LRBA: variants seen among roughly 807,000 people sequenced by gnomAD.
The protein encoded by LRBA is lipopolysaccharide-responsive and beige-like anchor protein.
LRBA carries 176 observed loss-of-function variants against 330.0 expected under a neutral mutation model. That is an observed-to-expected ratio of 0.53 (90% CI 0.47 to 0.60). The LOEUF (loss-of-function observed/expected upper bound fraction) is 0.60. LRBA is among the 20% of genes least tolerant of loss of function. The pLI, the probability that LRBA is intolerant of heterozygous loss-of-function variation, is 0.00. For synonymous variants in LRBA, 1,230 were observed against 1,193.0 expected (o/e 1.03, Z -0.64); for missense variants, 3,259 against 3,444.8 (o/e 0.95, Z 1.35).
At chr4:150,660,498 C>G (rs1387624529) in intron 37 of LRBA, among the ~76,000 whole-genome samples, 12 of 150,796 alleles carry the variant, frequency 8.0e-5, no homozygotes, top group Admixed American at 3.3e-4. Flanking sequence ...CAGCCCCCCC[C>G]GCCCGGCCAG....
At chr4:150,572,818 A>G (rs1157413777) in intron 40 of LRBA, among the ~76,000 whole-genome samples, 1 of 152,114 alleles carries the variant, frequency 6.6e-6, no homozygotes, top group Non-Finnish European at 1.5e-5. Flanking sequence ...TCTGGAGCTC[A>G]TTGATAATGA....
intron 34 of LRBA, among the ~76,000 whole-genome samples, chr4:150,781,048 T>G (rs1365934751): frequency 1.3e-5 from 2 of 151,396 alleles, no homozygotes; most frequent in Non-Finnish European, 2.9e-5. Flanking sequence ...CCTGGCTAAT[T>G]TTTTGTATTT....
At chr4:150,963,174 C>A (rs1738361119) in intron 2 of LRBA, among the ~76,000 whole-genome samples, 1 of 148,130 alleles carries the variant, frequency 6.8e-6, no homozygotes, top group Non-Finnish European at 1.5e-5. Flanking sequence ...CTGCCTCTCC[C>A]CCTCCCCCTC....
intron 40 of LRBA, among the ~76,000 whole-genome samples, chr4:150,502,852 C>T (rs1455240590): frequency 2.0e-5 from 3 of 152,230 alleles, no homozygotes; most frequent in Non-Finnish European, 4.4e-5. Context: ...TCACTCCCAC[C>T]CTAATACTGC....
chr4:150,374,895 T>A (rs187334294), intron 47 of LRBA, among the ~76,000 whole-genome samples: 274 of 152,264 alleles, frequency 1.8e-3, no homozygotes, highest in South Asian at 2.3e-3. Flanking sequence ...GCCTGAACCA[T>A]AACTAATATA....
At position 150,485,114 on chromosome 4, in the gene LRBA, G is replaced by C. The variant is rs538423940; in HGVS notation, c.6551+2618C>G. ...TGTATTTTGTGCAATTGACTAAAATGTTTTATACATGTGACACAGATCAAG... is the reference window on the plus strand; with the variant it reads ...TGTATTTTGTGCAATTGACTAAAATCTTTTATACATGTGACACAGATCAAG... On this transcript the variant is annotated intron_variant, in intron 42 of 56. Transcript: ENST00000651943. 4.6e-5 allele frequency among the ~76,000 whole-genome samples: 7 copies of C among 152,040 alleles called. No individual in the cohort carries two copies. The South Asian group carries it at 1.5e-3, about 32-fold the overall frequency.
At chr4:150,527,027 A>T (rs565678322) in intron 40 of LRBA, among the ~76,000 whole-genome samples, 3 of 143,406 alleles carry the variant, frequency 2.1e-5, no homozygotes, top group Admixed American at 1.4e-4. Context: ...TTTTTTTTTT[A>T]AAGAAACTGG....
chr4:150,338,990 C>CAT (rs909084758), intron 48 of LRBA, among the ~76,000 whole-genome samples: 1 of 151,754 alleles, frequency 6.6e-6, no homozygotes, highest in African/African-American at 2.4e-5. Context: ...CACACACACA[C>CAT]ACACAAGTAG....
intron 36 of LRBA, among the ~76,000 whole-genome samples, chr4:150,724,608 G>A (rs1316032267): frequency 1.3e-5 from 2 of 152,040 alleles, no homozygotes; most frequent in Admixed American, 6.6e-5. Context: ...CAATTCTGAC[G>A]AAACAGAGAC....
At chr4:150,275,178 C>T (rs1746597130) in intron 56 of LRBA, among the ~76,000 whole-genome samples, 1 of 152,120 alleles carries the variant, frequency 6.6e-6, no homozygotes, top group South Asian at 2.1e-4. Context: ...ATGACAAAAA[C>T]CACATGATTA....
intron 16 of LRBA, among the ~76,000 whole-genome samples, chr4:150,895,862 G>A (rs936528913): frequency 6.6e-6 from 1 of 152,112 alleles, no homozygotes; most frequent in Non-Finnish European, 1.5e-5. Context: ...TCGCCACACC[G>A]ACTTCCACAA....
At chr4:150,856,369 T>C (rs1751234138) in intron 22 of LRBA, among the ~76,000 whole-genome samples, 1 of 152,182 alleles carries the variant, frequency 6.6e-6, no homozygotes, top group African/African-American at 2.4e-5. Flanking sequence ...ATCTCTCTTC[T>C]ATGTTGTCTC....
At chr4:150,635,189 T>C (rs1363954215) in intron 37 of LRBA, among the ~76,000 whole-genome samples, 1 of 152,200 alleles carries the variant, frequency 6.6e-6, no homozygotes, top group African/African-American at 2.4e-5. Context: ...ATTCTGCTCC[T>C]AGATTCTACC....
chr4:151,004,612 G>T (rs889648616), intron 2 of LRBA, among the ~76,000 whole-genome samples: 1 of 152,164 alleles, frequency 6.6e-6, no homozygotes, highest in Admixed American at 6.5e-5. Context: ...CTAAGGCAGG[G>T]TACTCTTGTA....
intron 55 of LRBA, among the ~76,000 whole-genome samples, chr4:150,280,488 C>T (rs1255664013): frequency 6.6e-6 from 1 of 152,232 alleles, no homozygotes; most frequent in East Asian, 1.9e-4. Context: ...TCTGTACAGG[C>T]TGCCTCCTTA....
chr4:150,766,169 A>G (rs1360514901), intron 34 of LRBA, among the ~76,000 whole-genome samples: 1 of 152,056 alleles, frequency 6.6e-6, no homozygotes, highest in Non-Finnish European at 1.5e-5. Flanking sequence ...AAATGTTCTC[A>G]TTAATTTTTT....
intron 2 of LRBA, among the ~76,000 whole-genome samples, chr4:150,930,011 G>A (rs1050324422): frequency 1.3e-5 from 2 of 152,030 alleles, no homozygotes; most frequent in Non-Finnish European, 2.9e-5. Context: ...TTAGAAGAAA[G>A]TGAACTTTAA....
intron 40 of LRBA, among the ~76,000 whole-genome samples, chr4:150,531,096 C>T (rs1764014319): frequency 6.6e-6 from 1 of 152,202 alleles, no homozygotes; most frequent in African/African-American, 2.4e-5. Context: ...TTGTCTCTCT[C>T]TCCCACCCAC....
At chr4:150,829,786 T>G (rs570074553) in intron 29 of LRBA, among the ~76,000 whole-genome samples, 9 of 151,304 alleles carry the variant, frequency 5.9e-5, no homozygotes, top group African/African-American at 2.2e-4. Context: ...ACTCAAACTA[T>G]TAAATATAAC....
Sources: gnomAD v4.1 joint callset for allele counts (sites outside exome capture counted in the v4.1 genomes callset) on GRCh38, gnomAD v4.1.1 for gene constraint, MANE v1.5 for transcripts, NCBI Gene and HGNC (gene_info 2026-07-23, HGNC 2026-07-21) for gene names.